Variants in NKAIN3 observed in about 807,000 individuals in gnomAD.
The protein encoded by NKAIN3 is sodium/potassium-transporting ATPase subunit beta-1-interacting protein 3.
In NKAIN3, 25 loss-of-function variants were observed where a neutral mutation model predicts 30.2. The ratio of observed to expected loss-of-function variants is 0.83; its 90% CI spans 0.60 to 1.16. The LOEUF (loss-of-function observed/expected upper bound fraction) is 1.16, where lower values mean the gene tolerates loss of function less well. NKAIN3 is among the 50% of genes most tolerant of loss of function. The pLI is 0.00. For missense variants in NKAIN3, 225 were observed against 254.1 expected, an observed-to-expected ratio of 0.89 and a Z score of 0.78; for synonymous variants, 91 against 89.6, an observed-to-expected ratio of 1.02 and a Z score of -0.09.
At chr8:62,451,625 T>C (rs1470422793) in intron 1 of NKAIN3, among the ~76,000 whole-genome samples, 1 of 152,164 alleles carries the variant, frequency 6.6e-6, no homozygotes, top group Non-Finnish European at 1.5e-5. Context: ...GACCTAAATG[T>C]TTCAAATATT....
chr8:62,350,539 G>T (rs1210368275), intron 1 of NKAIN3, among the ~76,000 whole-genome samples: 3 of 152,118 alleles, frequency 2.0e-5, no homozygotes, highest in Admixed American at 2.0e-4. Flanking sequence ...GGGGACCAAC[G>T]GTGGTGATGG....
At chr8:62,455,867 T>C (rs1563406739) in intron 1 of NKAIN3, among the ~76,000 whole-genome samples, 1 of 152,192 alleles carries the variant, frequency 6.6e-6, no homozygotes, top group Non-Finnish European at 1.5e-5. Flanking sequence ...CCCCTTATCT[T>C]TGGGGGATAT....
rs192913618 is a variant in NKAIN3, at chr8:62,828,425, A to C, written c.471+81296A>C. ...TTATTGTATGATAATATACAAAAAA[A>C]GAATTAAAAAATAATCGAATTTAAA... On this transcript the variant is annotated intron_variant, in intron 4 of 6. Coordinates refer to ENST00000623646, the MANE Select transcript of NKAIN3 (RefSeq NM_001304533.3). Among the ~76,000 whole-genome samples the C allele has an allele frequency of 5.3e-5, 8 of 152,352 alleles. No individual in the cohort carries two copies. In the East Asian group the frequency reaches 1.5e-3, roughly 29 times the overall value.
At chr8:62,631,207 C>A (rs7840692) in intron 3 of NKAIN3, among the ~76,000 whole-genome samples, 40,380 of 151,990 alleles carry the variant, frequency 0.27, 5,991 homozygotes, top group African/African-American at 0.4. Context: ...AAACCCACAT[C>A]TCCAGAGAGA....
intron 1 of NKAIN3, among the ~76,000 whole-genome samples, chr8:62,496,378 G>A (rs1807239227): frequency 6.6e-6 from 1 of 152,086 alleles, no homozygotes. Flanking sequence ...TCCACCTTTA[G>A]TCTTATCTAA....
intron 1 of NKAIN3, among the ~76,000 whole-genome samples, chr8:62,317,969 G>A (rs1378185345): frequency 6.6e-6 from 1 of 152,130 alleles, no homozygotes; most frequent in Non-Finnish European, 1.5e-5. Context: ...GTGGTTTGTA[G>A]TTCTCCTTGA....
intron 4 of NKAIN3, among the ~76,000 whole-genome samples, chr8:62,870,235 G>GATATCTATATCTATATCTATATATAT (rs1820566479): frequency 7.4e-6 from 1 of 134,600 alleles, no homozygotes; most frequent in African/African-American, 3.1e-5. Context: ...TCTATATATA[G>GATATCTATATCTATATCTATATATAT]ATATCTATAG....
chr8:62,661,492 A>G (rs1292271358), intron 3 of NKAIN3, among the ~76,000 whole-genome samples: 1 of 152,174 alleles, frequency 6.6e-6, no homozygotes, highest in Non-Finnish European at 1.5e-5. Flanking sequence ...TGGGGCCAAG[A>G]AGGTGGGGGA....
chr8:62,451,950 T>A (rs900645492), intron 1 of NKAIN3, among the ~76,000 whole-genome samples: 6 of 152,308 alleles, frequency 3.9e-5, no homozygotes, highest in South Asian at 2.1e-4. Context: ...GACTGCTTGC[T>A]GCTTTATTTA....
chr8:62,809,356 T>G (rs529466160), intron 4 of NKAIN3, among the ~76,000 whole-genome samples: 3 of 152,152 alleles, frequency 2.0e-5, no homozygotes, highest in African/African-American at 7.2e-5. Flanking sequence ...AGAGTATTGA[T>G]TGGGGAAGTG....
At chr8:62,883,457 G>GTTGTTGTTGTTTTT in intron 4 of NKAIN3, among the ~76,000 whole-genome samples, 12 of 70,228 alleles carry the variant, frequency 1.7e-4, no homozygotes, top group African/African-American at 3.5e-4. Flanking sequence ...AGTTTTATGG[G>GTTGTTGTTGTTTTT]TTTTTTTTTT....
At chr8:62,834,590 ACACAC>A (rs1273180024) in intron 4 of NKAIN3, among the ~76,000 whole-genome samples, 3 of 152,038 alleles carry the variant, frequency 2.0e-5, no homozygotes, top group Non-Finnish European at 4.4e-5. Flanking sequence ...CTACACACAC[ACACAC>A]CACAAATACC....
intron 1 of NKAIN3, among the ~76,000 whole-genome samples, chr8:62,498,025 C>T (rs1267621032): frequency 6.6e-6 from 1 of 152,086 alleles, no homozygotes; most frequent in Non-Finnish European, 1.5e-5. Flanking sequence ...CATATGTGCT[C>T]ATGTGTTTAC....
At chr8:62,466,280 A>G (rs963566501) in intron 1 of NKAIN3, among the ~76,000 whole-genome samples, 3 of 152,192 alleles carry the variant, frequency 2.0e-5, no homozygotes, top group Admixed American at 6.5e-5. Flanking sequence ...ATTATTTTAT[A>G]TGACCTATTA....
chr8:62,565,897 A>T (rs544724510), intron 1 of NKAIN3, among the ~76,000 whole-genome samples: 1 of 152,326 alleles, frequency 6.6e-6, no homozygotes, highest in East Asian at 1.9e-4. Flanking sequence ...ATAATAAAGT[A>T]TTGAATATCT....
chr8:62,386,990 T>C (rs1817448786), intron 1 of NKAIN3, among the ~76,000 whole-genome samples: 1 of 152,104 alleles, frequency 6.6e-6, no homozygotes, highest in Non-Finnish European at 1.5e-5. Context: ...ATTATACTTC[T>C]TAAAGAATTG....
intron 1 of NKAIN3, among the ~76,000 whole-genome samples, chr8:62,319,392 C>T (rs1814788629): frequency 6.6e-6 from 1 of 152,004 alleles, no homozygotes; most frequent in South Asian, 2.1e-4. Context: ...TGTGTTTGCT[C>T]TTGTTTCTCT....
intron 5 of NKAIN3, among the ~76,000 whole-genome samples, chr8:62,947,915 C>T (rs779539022): frequency 6.6e-4 from 101 of 152,236 alleles, no homozygotes; most frequent in Non-Finnish European, 3.1e-4. Flanking sequence ...ATAAACCTTT[C>T]CTGCTAGGCT....
chr8:62,308,271 C>T (rs1303483484), intron 1 of NKAIN3, among the ~76,000 whole-genome samples: 1 of 150,424 alleles, frequency 6.6e-6, no homozygotes, highest in African/African-American at 2.5e-5. Flanking sequence ...CTCCTCCCTC[C>T]TCACTTGTAT....
Sources: allele counts gnomAD v4.1 joint callset (sites outside exome capture counted in the v4.1 genomes callset), GRCh38; gene constraint gnomAD v4.1.1; transcripts MANE v1.5; gene names NCBI Gene and HGNC (gene_info 2026-07-23, HGNC 2026-07-21).